LOC128462377: variants seen among roughly 807,000 people sequenced by gnomAD.
chr16:89,339,094 G>A, the LOC128462377 span, among the ~76,000 whole-genome samples: 5 of 152,254 alleles, frequency 3.3e-5, no homozygotes, highest in African/African-American at 1.2e-4. Context: ...GCTGATGGGT[G>A]AGCGTTGCAC....
the LOC128462377 span, among the ~76,000 whole-genome samples, chr16:89,377,641 T>A: frequency 6.6e-6 from 1 of 152,024 alleles, no homozygotes; most frequent in Non-Finnish European, 1.5e-5. Flanking sequence ...GAAAACAAAG[T>A]GACATCAGAC....
At chr16:89,347,384 C>T in the LOC128462377 span, among the ~76,000 whole-genome samples, 4 of 152,074 alleles carry the variant, frequency 2.6e-5, no homozygotes, top group African/African-American at 9.7e-5. Context: ...CCAAGATAGG[C>T]GGATCACGAG....
At chr16:89,351,622 T>C in the LOC128462377 span, among the ~76,000 whole-genome samples, 1 of 152,208 alleles carries the variant, frequency 6.6e-6, no homozygotes, top group Non-Finnish European at 1.5e-5. Context: ...AATGCTGCTG[T>C]GGGCACTGCA....
the LOC128462377 span, among the ~76,000 whole-genome samples, chr16:89,367,483 C>T: frequency 9.2e-4 from 140 of 152,322 alleles, no homozygotes; most frequent in Middle Eastern, 3.4e-3. Context: ...TCAAACAACC[C>T]GGAGTGTACA....
the LOC128462377 span, among the ~76,000 whole-genome samples, chr16:89,396,380 C>T: frequency 6.6e-6 from 1 of 152,166 alleles, no homozygotes; most frequent in South Asian, 2.1e-4. Context: ...GAGCCGCACT[C>T]GCCGCAAGAG....
the LOC128462377 span, among the ~76,000 whole-genome samples, chr16:89,364,067 A>AACAC: frequency 0.48 from 72,004 of 150,406 alleles, 17,968 homozygotes; most frequent in Middle Eastern, 0.73. Flanking sequence ...GCTGATTTAA[A>AACAC]ACACACACAC....
chr16:89,348,563 G>C, the LOC128462377 span, among the ~76,000 whole-genome samples: 1 of 152,178 alleles, frequency 6.6e-6, no homozygotes, highest in Admixed American at 6.5e-5. Flanking sequence ...GACCAAGTCA[G>C]TCATCCGGGA....
chr16:89,410,088 C>T, the LOC128462377 span, among the ~76,000 whole-genome samples: 4 of 152,206 alleles, frequency 2.6e-5, no homozygotes, highest in South Asian at 8.3e-4. Context: ...ATCCGCCCGC[C>T]TCGGCCTCCC....
chr16:89,341,208 G>C, the LOC128462377 span, among the ~76,000 whole-genome samples: 4 of 152,218 alleles, frequency 2.6e-5, no homozygotes, highest in Non-Finnish European at 4.4e-5. Context: ...GATCCGCGGA[G>C]AAGACTGGAC....
At chr16:89,334,935 C>T in the LOC128462377 span, among the ~76,000 whole-genome samples, 1 of 152,008 alleles carries the variant, frequency 6.6e-6, no homozygotes, top group East Asian at 1.9e-4. Flanking sequence ...GTGCTGGGGG[C>T]CAGGCAGACA....
At chr16:89,386,818 G>T in the LOC128462377 span, among the ~76,000 whole-genome samples, 2 of 152,180 alleles carry the variant, frequency 1.3e-5, no homozygotes, top group African/African-American at 2.4e-5. Flanking sequence ...TCTCCATAAA[G>T]CAGAAGCCTG....
the LOC128462377 span, chr16:89,361,465 C>A: frequency 6.6e-6 from 1 of 152,282 alleles, no homozygotes; most frequent in Non-Finnish European, 1.5e-5. Flanking sequence ...AGGGTTTGTG[C>A]CAGTCCACCT....
At chr16:89,381,778 A>G in the LOC128462377 span, among the ~76,000 whole-genome samples, 2,855 of 152,264 alleles carry the variant, frequency 0.019, 98 homozygotes, top group African/African-American at 0.066. Flanking sequence ...ACACTTTGTG[A>G]ACAAGTGTTC....
chr16:89,414,607 C>T, the LOC128462377 span, among the ~76,000 whole-genome samples: 23 of 152,286 alleles, frequency 1.5e-4, 1 homozygote, highest in African/African-American at 4.6e-4. Flanking sequence ...TAGATACGAC[C>T]GTGACCACTG....
the LOC128462377 span, among the ~76,000 whole-genome samples, chr16:89,346,549 C>T: frequency 6.6e-6 from 1 of 152,184 alleles, no homozygotes; most frequent in African/African-American, 2.4e-5. Context: ...GTGAGAGTCA[C>T]CTTCTGAAGT....
At chr16:89,333,536 C>T in the LOC128462377 span, among the ~76,000 whole-genome samples, 6 of 152,256 alleles carry the variant, frequency 3.9e-5, no homozygotes, top group Non-Finnish European at 8.8e-5. Flanking sequence ...CCCTCCCTCT[C>T]CCCAGCCCCT....
chr16:89,403,077 G>A, the LOC128462377 span, among the ~76,000 whole-genome samples: 2 of 152,174 alleles, frequency 1.3e-5, no homozygotes, highest in Admixed American at 1.3e-4. Flanking sequence ...GGCCTGGAAC[G>A]CTGCTGTCAT....
the LOC128462377 span, among the ~76,000 whole-genome samples, chr16:89,377,007 T>G: frequency 1.3e-5 from 2 of 152,282 alleles, no homozygotes; most frequent in East Asian, 3.9e-4. Context: ...AAAGAACCCC[T>G]TTTTCCGGAC....
At chr16:89,327,306 A>C in the LOC128462377 span, among the ~76,000 whole-genome samples, 1 of 152,242 alleles carries the variant, frequency 6.6e-6, no homozygotes, top group African/African-American at 2.4e-5. Context: ...GAGTGTGGAG[A>C]AACATCCTCA....
Sources: allele counts gnomAD v4.1 joint callset (sites outside exome capture counted in the v4.1 genomes callset), GRCh38; gene constraint gnomAD v4.1.1; transcripts MANE v1.5.